The following PPM1E variants were observed in gnomAD, a reference collection of about 807,000 sequenced individuals.
The protein encoded by PPM1E is protein phosphatase 1E.
Under a neutral mutation model 65.9 loss-of-function variants are expected in PPM1E, and 20 were observed. The ratio of observed to expected loss-of-function variants is 0.30; its 90% confidence interval spans 0.21 to 0.44. PPM1E has a LOEUF of 0.44. Ranked by LOEUF, PPM1E falls within the 20% of genes least tolerant of loss-of-function variation. PPM1E has a pLI of 1.00. For missense variants in PPM1E, 713 were observed against 953.1 expected (o/e 0.75, Z 3.32); for synonymous variants, 352 against 374.9 (o/e 0.94, Z 0.70).
chr17:58,760,161 G>A (rs953494629), intron 1 of PPM1E, among the ~76,000 whole-genome samples: 1 of 152,004 alleles, frequency 6.6e-6, no homozygotes, highest in Non-Finnish European at 1.5e-5. Flanking sequence ...TTCTGTCCTT[G>A]ACCTTCTTTT....
chr17:58,833,476 G>A (rs537337462), intron 1 of PPM1E, among the ~76,000 whole-genome samples: 2 of 151,656 alleles, frequency 1.3e-5, no homozygotes, highest in South Asian at 2.1e-4. Context: ...GAGAACATGT[G>A]GTATTTGGCT....
At chr17:58,958,830 G>T (rs1189567318) in intron 2 of PPM1E, among the ~76,000 whole-genome samples, 1 of 151,734 alleles carries the variant, frequency 6.6e-6, no homozygotes, top group Non-Finnish European at 1.5e-5. Flanking sequence ...CTTCCTTCAA[G>T]AATCTTCCTC....
At position 58,780,076 on chromosome 17, in the gene PPM1E, T is replaced by C. The variant is rs528661036; in HGVS notation, c.464+23615T>C. 3.9e-5 allele frequency among the ~76,000 whole-genome samples: 6 copies of C among 152,300 alleles called. 1 individual carries two copies. In the South Asian group the frequency reaches 1.0e-3, roughly 26 times the overall value. On this transcript the variant is annotated intron_variant, in intron 1 of 6. Transcript: ENST00000308249. ...ATATATGTAGATCTTTTTGCATACCTGCGTATATTTTAGTAGAATAGATTT... is the reference window on the plus strand; with the variant it reads ...ATATATGTAGATCTTTTTGCATACCCGCGTATATTTTAGTAGAATAGATTT...
At chr17:58,882,027 C>T (rs1452368316) in intron 1 of PPM1E, among the ~76,000 whole-genome samples, 4 of 148,398 alleles carry the variant, frequency 2.7e-5, no homozygotes, top group East Asian at 2.0e-4. Flanking sequence ...AAAAATTAGC[C>T]GGGCTTGGTG....
At chr17:58,976,992 A>T (rs2031041296) in intron 6 of PPM1E, among the ~76,000 whole-genome samples, 4 of 152,144 alleles carry the variant, frequency 2.6e-5, no homozygotes, top group Admixed American at 2.6e-4. Context: ...GATTTTATTT[A>T]TTATTTATTT....
chr17:58,823,572 T>C (rs2050501999), intron 1 of PPM1E, among the ~76,000 whole-genome samples: 1 of 152,196 alleles, frequency 6.6e-6, no homozygotes, highest in Admixed American at 6.5e-5. Context: ...TCAGTTATTT[T>C]TTTTCCCTTA....
intron 1 of PPM1E, among the ~76,000 whole-genome samples, chr17:58,772,341 A>T (rs1164512077): frequency 1.3e-5 from 2 of 152,134 alleles, no homozygotes; most frequent in Non-Finnish European, 2.9e-5. Flanking sequence ...CTGTAGCCCC[A>T]GCTACTCAGG....
chr17:58,756,595 A>G (rs1458868638), intron 1 of PPM1E, 134 bp downstream of exon 1: 26 of 1,095,722 alleles, frequency 2.4e-5, no homozygotes, highest in Non-Finnish European at 2.8e-5. Flanking sequence ...CGCCGCTGAA[A>G]GCGCCCCCGC....
chr17:58,915,286 C>G (rs1448543898), intron 1 of PPM1E, among the ~76,000 whole-genome samples: 1 of 152,164 alleles, frequency 6.6e-6, no homozygotes, highest in Non-Finnish European at 1.5e-5. Flanking sequence ...TTTTTAGATC[C>G]TATAGGATAA....
Position 58,972,205 on chromosome 17 carries a change from AT to A in PPM1E, c.1048del (p.Ser350ProfsTer6). On this transcript the variant is annotated frameshift_variant, in exon 5 of 7. Transcript: ENST00000308249. LOFTEE classifies it high-confidence loss of function. ...GNMLHVAWVGDSQVMLVRKGQ... is the reference protein window; with the variant it reads ...GNMLHVAWVGXSQVMLVRKGQ... ...ATGCTACATGTGGCCTGGGTGGGTG[AT>A]TCCCAGGTTATGCTTGTGAGAAAGG... 1 of 1,614,076 alleles carries A rather than the reference AT, an allele frequency of 6.2e-7. No individual in the cohort carries two copies. Among genetic ancestry groups the A allele is most frequent in the Non-Finnish European group, 8.5e-7 (1 of 1,179,940 alleles).
intron 1 of PPM1E, among the ~76,000 whole-genome samples, chr17:58,882,592 T>C (rs947650811): frequency 1.3e-5 from 2 of 152,114 alleles, no homozygotes; most frequent in Non-Finnish European, 2.9e-5. Flanking sequence ...GGTTTCACCA[T>C]GTTGGCCAGG....
At chr17:58,883,731 C>T (rs578061267) in intron 1 of PPM1E, among the ~76,000 whole-genome samples, 4 of 151,152 alleles carry the variant, frequency 2.6e-5, no homozygotes, top group Non-Finnish European at 5.9e-5. Flanking sequence ...GTGATCCGCC[C>T]GCCTCGGCCT....
chr17:58,842,515 A>C (rs903253115), intron 1 of PPM1E, among the ~76,000 whole-genome samples: 1 of 152,156 alleles, frequency 6.6e-6, no homozygotes, highest in African/African-American at 2.4e-5. Flanking sequence ...TGTAAATCAA[A>C]AACTGTTGGC....
At chr17:58,955,848 A>G (rs1008577438) in intron 2 of PPM1E, 81 bp downstream of exon 2, 2 of 1,419,766 alleles carry the variant, frequency 1.4e-6, no homozygotes, top group East Asian at 2.5e-5. Flanking sequence ...TCTGCAAAAT[A>G]CTAAATCTAA....
chr17:58,966,958 A>C (rs1020863812), intron 3 of PPM1E, among the ~76,000 whole-genome samples: 2 of 152,172 alleles, frequency 1.3e-5, no homozygotes, highest in Non-Finnish European at 2.9e-5. Flanking sequence ...TGGCCATGCA[A>C]ATGTAACCCA....
In PPM1E at chr17:58,915,010, A is replaced by G. The variant is rs1056851189; in HGVS notation, c.465-40639A>G. On this transcript the variant is annotated intron_variant, in intron 1 of 6. Coordinates refer to ENST00000308249, the MANE Select transcript of PPM1E (RefSeq NM_014906.5). ...CTTTGGTTGTTTTGCTGCTTTTGTAATAATCCACAAATACATCCTATCAGT... is the reference window on the plus strand; with the variant it reads ...CTTTGGTTGTTTTGCTGCTTTTGTAGTAATCCACAAATACATCCTATCAGT... 3.3e-5 allele frequency among the ~76,000 whole-genome samples: 5 copies of G among 152,178 alleles called. No homozygotes were observed. The East Asian group carries it at 9.6e-4, about 29-fold the overall frequency.
chr17:58,782,777 G>A (rs1334073799), intron 1 of PPM1E, among the ~76,000 whole-genome samples: 1 of 151,684 alleles, frequency 6.6e-6, no homozygotes, highest in Non-Finnish European at 1.5e-5. Context: ...ACATAAGTGT[G>A]GCAGAATAAT....
intron 1 of PPM1E, among the ~76,000 whole-genome samples, chr17:58,841,521 C>CT (rs34826804): frequency 0.18 from 17,337 of 98,976 alleles, 1,653 homozygotes; most frequent in East Asian, 0.39. Context: ...AAAACAAATA[C>CT]TTTTTTTTTT....
chr17:58,778,847 T>G (rs2144200527), intron 1 of PPM1E, among the ~76,000 whole-genome samples: 1 of 150,458 alleles, frequency 6.6e-6, no homozygotes, highest in African/African-American at 2.4e-5. Flanking sequence ...ATTTTGCCAC[T>G]CCAAAGAGCC....
Sources: allele counts gnomAD v4.1 joint callset (sites outside exome capture counted in the v4.1 genomes callset), GRCh38; gene constraint gnomAD v4.1.1; transcripts MANE v1.5; gene names NCBI Gene and HGNC (gene_info 2026-07-23, HGNC 2026-07-21).